PGM2L1: variants seen among roughly 807,000 people sequenced by gnomAD.
PGM2L1 encodes the protein glucose 1,6-bisphosphate synthase.
A neutral mutation model predicts 73.4 loss-of-function variants in PGM2L1; 35 were observed. The observed-to-expected ratio is 0.48, with a 90% CI of 0.36 to 0.63. The LOEUF (loss-of-function observed/expected upper bound fraction) is 0.63, where lower values mean the gene tolerates loss of function less well. PGM2L1 is among the 30% of genes least tolerant of loss of function. PGM2L1 has a pLI of 0.00. For missense variants in PGM2L1, 570 were observed against 742.0 expected, an observed-to-expected ratio of 0.77 and a Z score of 2.69; for synonymous variants, 225 against 253.8, an observed-to-expected ratio of 0.89 and a Z score of 1.08.
chr11:74,366,335 C>T (rs1408201442), intron 5 of PGM2L1, among the ~76,000 whole-genome samples: 1 of 146,086 alleles, frequency 6.8e-6, no homozygotes, highest in East Asian at 2.0e-4. Flanking sequence ...ACGTTGTGCA[C>T]ATGTACCCTA....
At chr11:74,362,564 G>A (rs1279435017) in intron 5 of PGM2L1, among the ~76,000 whole-genome samples, 3 of 152,122 alleles carry the variant, frequency 2.0e-5, no homozygotes, top group Non-Finnish European at 4.4e-5. Context: ...AAATGTAAAT[G>A]GGCTAAATGC....
At chr11:74,374,272 C>T (rs1364968673) in intron 2 of PGM2L1, 143 bp downstream of exon 2, 4 of 576,638 alleles carry the variant, frequency 6.9e-6, no homozygotes, top group African/African-American at 1.9e-5. Flanking sequence ...TTAGTAGAGA[C>T]GGGGTTTCAC....
intron 12 of PGM2L1, among the ~76,000 whole-genome samples, chr11:74,339,184 C>T (rs1190242442): frequency 6.6e-6 from 1 of 152,150 alleles, no homozygotes; most frequent in African/African-American, 2.4e-5. Context: ...TTCCAAAGTC[C>T]AAACTGCCTC....
intron 1 of PGM2L1, among the ~76,000 whole-genome samples, chr11:74,376,557 C>T (rs1015307576): frequency 4.0e-5 from 6 of 150,450 alleles, no homozygotes; most frequent in South Asian, 2.1e-4. Flanking sequence ...GTATATATAT[C>T]TAATGAGTAT....
chr11:74,352,796 A>G (rs918295067), intron 5 of PGM2L1, among the ~76,000 whole-genome samples: 3 of 152,222 alleles, frequency 2.0e-5, no homozygotes, highest in African/African-American at 7.2e-5. Flanking sequence ...AATAATTAAA[A>G]AGCAGAATGA....
At chr11:74,382,348 C>T (rs1298769731) in intron 1 of PGM2L1, among the ~76,000 whole-genome samples, 1 of 152,150 alleles carries the variant, frequency 6.6e-6, no homozygotes, top group Admixed American at 6.5e-5. Flanking sequence ...CCTACAGAGG[C>T]CACTCCTTGT....
chr11:74,353,148 T>A (rs1337611501), intron 5 of PGM2L1, among the ~76,000 whole-genome samples: 3 of 146,202 alleles, frequency 2.1e-5, no homozygotes, highest in African/African-American at 7.3e-5. Flanking sequence ...TCTAGCAGAA[T>A]TTTTAAAACA....
At chr11:74,367,133 G>A (rs1284371353) in intron 5 of PGM2L1, among the ~76,000 whole-genome samples, 1 of 152,154 alleles carries the variant, frequency 6.6e-6, no homozygotes, top group Non-Finnish European at 1.5e-5. Flanking sequence ...TTTTGTTTGG[G>A]TGGGTGGTAA....
intron 5 of PGM2L1, among the ~76,000 whole-genome samples, chr11:74,359,938 A>C (rs188242874): frequency 8.5e-4 from 129 of 152,322 alleles, no homozygotes; most frequent in African/African-American, 2.7e-3. Flanking sequence ...ACAGCAATGA[A>C]TATCAAGGCA....
chr11:74,359,580 T>TATATAC (rs1491075493), intron 5 of PGM2L1, among the ~76,000 whole-genome samples: 8 of 138,912 alleles, frequency 5.8e-5, no homozygotes, highest in African/African-American at 2.1e-4. Flanking sequence ...TATATATATA[T>TATATAC]ACACATACAT....
At position 74,332,546 on chromosome 11, in the gene PGM2L1, T is replaced by C. The variant is rs1862030705; in HGVS notation, c.*4106A>G. On this transcript the variant is annotated 3_prime_UTR_variant, in exon 14 of 14. Transcript: ENST00000298198. ...AATAGTCCTTCACAGTAACAAAATG[T>C]GCAAGGGTGCCTAGGAAAAGTGGGA... The C allele has an allele frequency of 6.6e-6, 1 of 152,610 alleles. No individual in the cohort carries two copies. Among genetic ancestry groups the C allele is most frequent in the African/African-American group, 2.4e-5 (1 of 41,450 alleles). 9.5% of individuals were successfully genotyped at this position (152,610 alleles called of 1,614,324 possible). A position where few individuals can be genotyped will look rare whatever the true frequency, so the allele number is the denominator to read the frequency against.
At position 74,346,736 on chromosome 11, in the gene PGM2L1, C is replaced by A; in HGVS notation, c.1033G>T (p.Glu345Ter). 2 of 1,612,382 alleles carry A rather than the reference C, an allele frequency of 1.2e-6. No homozygotes were observed. The highest frequency in any genetic ancestry group is 1.1e-5 in the South Asian group (1 of 91,030). Residue 345 changes from glutamate to a stop codon, truncating the protein, a stop_gained, in exon 8 of 14, where the codon GAG becomes TAG. Coordinates refer to ENST00000298198, the MANE Select transcript of PGM2L1 (RefSeq NM_173582.6). LOFTEE classifies it high-confidence loss of function. ...ADRLAAAELQ[E>*]NGCWKVFTGN... The stretch of plus-strand genomic sequence containing the variant: ...CAAATAACAGATTCTACATACTTCT[C>A]CTGAAGTTCTGCTGCTGCCAGTCTG...
At position 74,351,390 on chromosome 11, in the gene PGM2L1, A is replaced by T; in HGVS notation, c.742T>A (p.Phe248Ile). 6.2e-7 allele frequency: 1 copy of T among 1,612,756 alleles called. No individual in the cohort carries two copies. Among genetic ancestry groups the T allele is most frequent in the Non-Finnish European group, 8.5e-7 (1 of 1,179,496 alleles). ...ATATTCTCACTTGGATACCTGTAAA[A>T]ACAGATCTTTTTCAGATCTTCCATG... ...RYMEDLKKIC[F>I]YRELNSKTTL... Residue 248 changes from phenylalanine (F) to isoleucine (I), a missense_variant, in exon 6 of 14, where the codon TTT becomes ATT. Transcript: ENST00000298198.
Position 74,343,376 on chromosome 11 carries a change from A to G in PGM2L1, c.1259T>C (p.Ile420Thr), listed in dbSNP as rs1862213095. Reference protein sequence around the residue: ...PGFKWIGSRIIDLLENGKEVL... With the variant: ...PGFKWIGSRITDLLENGKEVL... ...TTCTTTCCCATTTTCCAGGAGGTCT[A>G]TTATCCTACTTCCAATCCATTTAAA... The change falls in exon 10 of 14, where the codon ATA (isoleucine) becomes ACA (threonine). Residue 420 changes from isoleucine to threonine, a missense_variant. Physicochemically the swap from Ile to Thr is moderately conservative, Grantham distance 89 (BLOSUM62 -1). Transcript: ENST00000298198. 3 of 1,611,782 alleles carry G rather than the reference A, an allele frequency of 1.9e-6. No homozygotes were observed. Among genetic ancestry groups the G allele is most frequent in the Non-Finnish European group, 2.5e-6 (3 of 1,179,392 alleles).
At chr11:74,391,658 T>C (rs1863103458) in intron 1 of PGM2L1, among the ~76,000 whole-genome samples, 1 of 152,306 alleles carries the variant, frequency 6.6e-6, no homozygotes, top group South Asian at 2.1e-4. Flanking sequence ...CTGACTTAAC[T>C]CAGTTTTTTT....
intron 1 of PGM2L1, among the ~76,000 whole-genome samples, chr11:74,393,989 A>C (rs1337346508): frequency 6.9e-6 from 1 of 144,134 alleles, no homozygotes. Context: ...AAAAAAAAAA[A>C]CTAGGAAGGA....
chr11:74,398,259 C>T lies in PGM2L1; in HGVS notation c.-98G>A. 2.7e-6 allele frequency: 4 copies of T among 1,454,866 alleles called. No homozygotes were observed. The highest frequency in any genetic ancestry group is 1.4e-5 in the South Asian group (1 of 70,872). The allele number at this position is 1,454,866 out of a possible 1,614,324, so 90.1% of individuals were successfully genotyped here. On this transcript the variant is annotated 5_prime_UTR_variant, in exon 1 of 14. It adds an upstream start codon to the 5' untranslated region. Transcript: ENST00000298198. The stretch of plus-strand genomic sequence containing the variant: ...GCTCACCAGGGTCCAGGCGTCCCCA[C>T]CTCACTGAAGGGCATCGGAGACCAA...
chr11:74,388,061 C>T (rs1406813271), intron 1 of PGM2L1, among the ~76,000 whole-genome samples: 8 of 152,028 alleles, frequency 5.3e-5, no homozygotes, highest in Non-Finnish European at 1.2e-4. Context: ...CACAGAGGGC[C>T]AAATACTGCA....
rs781459972 is a variant in PGM2L1 at position 74,354,585 on chromosome 11, C to A, written c.556-3009G>T. 3.0e-4 allele frequency: 333 copies of A among 1,121,004 alleles called. 1 individual carries two copies. Among genetic ancestry groups the A allele is most frequent in the Non-Finnish European group, 4.3e-4 (317 of 745,204 alleles). 69.4% of individuals were successfully genotyped at this position (1,121,004 alleles called of 1,614,324 possible). A position where few individuals can be genotyped will look rare whatever the true frequency, so the allele number is the denominator to read the frequency against. ...TCACGAACTGTGTGGTAATGAAAGACCCAAACACCAAGTGCTCCAGGGGCT... is the reference window on the plus strand; with the variant it reads ...TCACGAACTGTGTGGTAATGAAAGAACCAAACACCAAGTGCTCCAGGGGCT... On this transcript the variant is annotated intron_variant, in intron 5 of 13. Transcript: ENST00000298198.
Sources: allele counts gnomAD v4.1 joint callset (sites outside exome capture counted in the v4.1 genomes callset), GRCh38; gene constraint gnomAD v4.1.1; transcripts MANE v1.5; gene names NCBI Gene and HGNC (gene_info 2026-07-23, HGNC 2026-07-21).